Variants in CDH11 observed in about 807,000 individuals in gnomAD.
CDH11 encodes the protein cadherin 11, also known as cadherin-11.
A neutral mutation model predicts 67.8 loss-of-function variants in CDH11; 11 were observed. The observed-to-expected ratio is 0.16, with a 90% CI of 0.10 to 0.27. The LOEUF (loss-of-function observed/expected upper bound fraction) is 0.27. CDH11 is among the 10% of genes least tolerant of loss of function. CDH11 has a pLI of 1.00. For synonymous variants in CDH11, 419 were observed against 400.0 expected (o/e 1.05, Z -0.57); for missense variants, 847 against 1,031.2 (o/e 0.82, Z 2.45).
At chr16:65,011,155 A>G (rs1323008900) in intron 2 of CDH11, among the ~76,000 whole-genome samples, 1 of 150,592 alleles carries the variant, frequency 6.6e-6, no homozygotes, top group Non-Finnish European at 1.5e-5. Context: ...GACTTTATCT[A>G]GGAGGAAAGT....
chr16:65,113,054 G>A (rs1253242233), intron 1 of CDH11, among the ~76,000 whole-genome samples: 3 of 152,188 alleles, frequency 2.0e-5, no homozygotes, highest in South Asian at 2.1e-4. Context: ...TTGGGAAGCT[G>A]AGGCGGGCAG....
chr16:64,996,284 G>A (rs1200694336), intron 4 of CDH11, among the ~76,000 whole-genome samples: 3 of 152,138 alleles, frequency 2.0e-5, no homozygotes, highest in African/African-American at 4.8e-5. Context: ...GAGGTCTGGA[G>A]TTCCAGATCA....
chr16:65,110,814 C>T (rs1288503737), intron 1 of CDH11, among the ~76,000 whole-genome samples: 1 of 152,076 alleles, frequency 6.6e-6, no homozygotes, highest in African/African-American at 2.4e-5. Context: ...TATAAAGGTG[C>T]TTATTGGGGT....
intron 1 of CDH11, among the ~76,000 whole-genome samples, chr16:65,102,125 CA>C (rs1039014856): frequency 1.3e-5 from 2 of 152,146 alleles, no homozygotes; most frequent in Non-Finnish European, 2.9e-5. Flanking sequence ...TTCACACCTC[CA>C]AAAAATGCCT....
chr16:64,989,512 C>T (rs575980212), intron 6 of CDH11, among the ~76,000 whole-genome samples: 3 of 152,092 alleles, frequency 2.0e-5, no homozygotes, highest in Admixed American at 6.6e-5. Context: ...ATAAAAACTA[C>T]CAGCCAGGTG....
intron 1 of CDH11, among the ~76,000 whole-genome samples, chr16:65,107,030 T>C (rs1380307012): frequency 6.6e-6 from 1 of 151,962 alleles, no homozygotes; most frequent in Non-Finnish European, 1.5e-5. Context: ...CAGGCTCCCA[T>C]TTATGGAACT....
At chr16:64,948,629 C>T (rs2071260498) in intron 12 of CDH11, 1 of 1,611,808 alleles carries the variant, frequency 6.2e-7, no homozygotes, top group Admixed American at 1.7e-5. Flanking sequence ...GTTGGACTCT[C>T]TGTAGCCACC....
intron 1 of CDH11, among the ~76,000 whole-genome samples, chr16:65,082,828 T>G (rs1220809592): frequency 1.3e-5 from 2 of 152,188 alleles, no homozygotes; most frequent in South Asian, 2.1e-4. Flanking sequence ...ATGTTGCTTT[T>G]AACAGCCCAA....
At chr16:64,968,466 A>C (rs982323475) in intron 11 of CDH11, 1 of 984,734 alleles carries the variant, frequency 1.0e-6, no homozygotes, top group Non-Finnish European at 1.2e-6. Flanking sequence ...CATCTGCCCA[A>C]ATAGCACCAT....
In CDH11 at chr16:64,973,052, G is replaced by A. The variant is rs1356291983; in HGVS notation, c.1254-12C>T. On this transcript the variant is annotated splice_polypyrimidine_tract_variant and intron_variant, in intron 8 of 12. Transcript: ENST00000268603. ...GATCGATGGAATACCTAAGCAGAAT[G>A]CAAATGAGGCAATTAGACCAAGACA... 1 of 1,611,862 alleles carries A rather than the reference G, an allele frequency of 6.2e-7. No individual in the cohort carries two copies. Among genetic ancestry groups the A allele is most frequent in the Admixed American group, 1.7e-5 (1 of 59,948 alleles).
chr16:65,034,952 G>C (rs1265352962), intron 2 of CDH11, among the ~76,000 whole-genome samples: 1 of 152,078 alleles, frequency 6.6e-6, no homozygotes, highest in Non-Finnish European at 1.5e-5. Flanking sequence ...AGTCCCCCTC[G>C]ACCCTCGAGT....
Position 65,082,523 on chromosome 16 carries a change from T to C in CDH11, c.-297-28595A>G, listed in dbSNP as rs1324706932. 3.3e-5 allele frequency among the ~76,000 whole-genome samples: 5 copies of C among 152,308 alleles called. No homozygotes were observed. The East Asian group carries it at 9.7e-4, about 29-fold the overall frequency. On this transcript the variant is annotated intron_variant, in intron 1 of 12. Transcript: ENST00000268603. Reference sequence around the variant, plus strand: ...GTCAGGGCTCTCTCTGACTGGTCATTGTAGCCTCAACCCACGTGTAAAATG... The same window carrying C: ...GTCAGGGCTCTCTCTGACTGGTCATCGTAGCCTCAACCCACGTGTAAAATG...
intron 1 of CDH11, among the ~76,000 whole-genome samples, chr16:65,115,519 G>A (rs1302212118): frequency 2.0e-5 from 3 of 152,016 alleles, no homozygotes; most frequent in African/African-American, 4.8e-5. Flanking sequence ...AAGGCTCATC[G>A]TGAGCTAGGC....
Position 64,982,184 on chromosome 16 carries a change from A to T in CDH11, c.1117T>A (p.Ser373Thr), listed in dbSNP as rs35213. 939 of 1,613,876 alleles carry T rather than the reference A, an allele frequency of 5.8e-4. No individual in the cohort carries two copies. Among genetic ancestry groups the T allele is most frequent in the Admixed American group, 1.0e-3 (61 of 60,000 alleles). The change falls in exon 8 of 13, where the codon TCA (serine) becomes ACA (threonine). Residue 373 changes from serine (S) to threonine (T), a missense_variant. Coordinates refer to ENST00000268603, the MANE Select transcript of CDH11 (RefSeq NM_001797.4). Reference protein sequence around the residue: ...PFKDTVTVKISVEDADEPPMF... With the variant: ...PFKDTVTVKITVEDADEPPMF... ...GGGGGCTCATCAGCATCTTCTACTGAGATCTTGACGGTCACAGTGTCCTTG... is the reference window on the plus strand; with the variant it reads ...GGGGGCTCATCAGCATCTTCTACTGTGATCTTGACGGTCACAGTGTCCTTG...
intron 2 of CDH11, among the ~76,000 whole-genome samples, chr16:65,031,013 T>C (rs926636667): frequency 6.6e-6 from 1 of 152,264 alleles, no homozygotes; most frequent in African/African-American, 2.4e-5. Context: ...TTAACTATGG[T>C]GCTAATTGAT....
intron 1 of CDH11, among the ~76,000 whole-genome samples, chr16:65,062,986 C>T (rs1325262441): frequency 6.6e-6 from 1 of 152,178 alleles, no homozygotes; most frequent in East Asian, 1.9e-4. Flanking sequence ...CTGGATTCAC[C>T]CAGGGTCGGC....
chr16:65,008,785 G>C (rs1483782759), intron 2 of CDH11, among the ~76,000 whole-genome samples: 1 of 152,140 alleles, frequency 6.6e-6, no homozygotes, highest in Non-Finnish European at 1.5e-5. Flanking sequence ...GTGATAAAAA[G>C]CAGTTACCTA....
intron 12 of CDH11, among the ~76,000 whole-genome samples, chr16:64,949,362 T>C (rs1716881887): frequency 1.3e-5 from 2 of 151,966 alleles, no homozygotes; most frequent in South Asian, 2.1e-4. Context: ...CCAACCTGTA[T>C]GTCACATCCT....
At chr16:64,964,173 A>C (rs1406191302) in intron 11 of CDH11, among the ~76,000 whole-genome samples, 1 of 152,244 alleles carries the variant, frequency 6.6e-6, no homozygotes, top group Non-Finnish European at 1.5e-5. Context: ...GCTTAGTGAC[A>C]GGGAAGCATC....
Sources: allele counts gnomAD v4.1 joint callset (sites outside exome capture counted in the v4.1 genomes callset), GRCh38; gene constraint gnomAD v4.1.1; transcripts MANE v1.5; gene names NCBI Gene and HGNC (gene_info 2026-07-23, HGNC 2026-07-21).